Variants in CTNNA2 observed in about 807,000 individuals in gnomAD.
The protein encoded by CTNNA2 is catenin alpha 2.
A neutral mutation model predicts 101.0 loss-of-function variants in CTNNA2; 42 were observed. That is an observed-to-expected ratio of 0.42 (90% CI 0.32 to 0.54). The LOEUF (loss-of-function observed/expected upper bound fraction) is 0.54. CTNNA2 is among the 20% of genes least tolerant of loss of function. The pLI, the probability that CTNNA2 is intolerant of heterozygous loss-of-function variation, is 0.14. For missense variants in CTNNA2, 871 were observed against 1,223.1 expected (o/e 0.71, Z 4.29); for synonymous variants, 450 against 456.4 (o/e 0.99, Z 0.18).
Position 80,158,859 on chromosome 2 carries a change from C to T in CTNNA2, c.1057-234352C>T, listed in dbSNP as rs553978390. On this transcript the variant is annotated intron_variant, in intron 7 of 18. Transcript: ENST00000402739. ...CTGGAAGGCAGAGCTTGCAGTGAGC[C>T]GAGATCGTGCCACTGCACTCTAGCC... 1.1e-4 allele frequency among the ~76,000 whole-genome samples: 17 copies of T among 150,852 alleles called. No homozygotes were observed. The South Asian group carries it at 2.9e-3, about 26-fold the overall frequency.
intron 7 of CTNNA2, among the ~76,000 whole-genome samples, chr2:80,369,651 T>C (rs559431298): frequency 6.6e-6 from 1 of 152,272 alleles, no homozygotes; most frequent in Non-Finnish European, 1.5e-5. Flanking sequence ...TGATTAAGGT[T>C]AAAGACCCTG....
rs971197201 is a variant in CTNNA2, at chr2:80,574,153, T to C, written c.1742-10T>C. The C allele has an allele frequency of 6.2e-7, 1 of 1,607,334 alleles. No individual in the cohort carries two copies. ...ATTGCCTAATCCTCTGCTTTTTATT[T>C]TTAACCCAGTGATGCCACGCTTCGC... On this transcript the variant is annotated splice_polypyrimidine_tract_variant and intron_variant, in intron 12 of 18. Transcript: ENST00000402739.
chr2:80,058,363 G>A (rs1378712271), intron 7 of CTNNA2, among the ~76,000 whole-genome samples: 1 of 152,196 alleles, frequency 6.6e-6, no homozygotes, highest in Non-Finnish European at 1.5e-5. Context: ...GGGATAGAAA[G>A]TTCTGTCAAC....
chr2:80,528,984 A>G (rs1187151628), intron 9 of CTNNA2, among the ~76,000 whole-genome samples: 2 of 152,220 alleles, frequency 1.3e-5, no homozygotes, highest in East Asian at 3.9e-4. Flanking sequence ...AGAAATAAAA[A>G]GATCCTTCTC....
At chr2:79,496,146 A>G (rs1279457485) in intron 4 of CTNNA2, among the ~76,000 whole-genome samples, 2 of 152,198 alleles carry the variant, frequency 1.3e-5, no homozygotes, top group African/African-American at 4.8e-5. Context: ...AAATGATTCT[A>G]AACAAATAAT....
intron 7 of CTNNA2, among the ~76,000 whole-genome samples, chr2:80,011,457 C>T (rs554595133): frequency 1.2e-4 from 19 of 152,212 alleles, no homozygotes; most frequent in Admixed American, 3.3e-4. Context: ...CGAGTCACCA[C>T]CTCAGAAAGT....
chr2:80,544,661 C>T (rs970121385), intron 9 of CTNNA2, among the ~76,000 whole-genome samples: 27 of 152,072 alleles, frequency 1.8e-4, no homozygotes, highest in African/African-American at 6.5e-4. Context: ...CAGGGTTTTG[C>T]ATTTTGATGT....
At chr2:80,474,149 T>C in intron 9 of CTNNA2, among the ~76,000 whole-genome samples, 1 of 152,224 alleles carries the variant, frequency 6.6e-6, no homozygotes, top group East Asian at 1.9e-4. Context: ...TAAAAATCTA[T>C]GTTTTAACAA....
chr2:79,383,238 CA>C (rs1678059811), intron 4 of CTNNA2, among the ~76,000 whole-genome samples: 1 of 151,950 alleles, frequency 6.6e-6, no homozygotes, highest in African/African-American at 2.4e-5. Flanking sequence ...GATAATTCAC[CA>C]AAAATCTTAG....
intron 2 of CTNNA2, among the ~76,000 whole-genome samples, chr2:79,266,234 G>A (rs938292330): frequency 1.3e-5 from 2 of 152,082 alleles, no homozygotes; most frequent in African/African-American, 4.8e-5. Flanking sequence ...CTTCACAGCA[G>A]GACTGATATG....
At chr2:79,582,946 T>A (rs1038621436) in intron 1 of CTNNA2, among the ~76,000 whole-genome samples, 2 of 152,128 alleles carry the variant, frequency 1.3e-5, no homozygotes, top group Non-Finnish European at 2.9e-5. Flanking sequence ...TGTAGTTTTG[T>A]GTATCTCTTC....
rs567234332 is a variant in CTNNA2, at chr2:79,451,812, G to A, written c.-134-53242G>A. 1.1e-3 allele frequency among the ~76,000 whole-genome samples: 167 copies of A among 150,892 alleles called. 1 individual carries two copies. In the Middle Eastern group the frequency reaches 0.014, roughly 13 times the overall value. ...CATGTCTTAAAAATATATATTAAAT[G>A]TATACATTATATTGTATGCTAGATA... On this transcript the variant is annotated intron_variant, in intron 4 of 21. Coordinates refer to the CTNNA2 transcript ENST00000466387.
At chr2:79,613,809 G>A (rs971896452) in intron 1 of CTNNA2, among the ~76,000 whole-genome samples, 16 of 152,220 alleles carry the variant, frequency 1.1e-4, no homozygotes, top group African/African-American at 4.8e-5. Context: ...ATGAGCCACC[G>A]TATCCAGCTA....
intron 2 of CTNNA2, among the ~76,000 whole-genome samples, chr2:79,280,667 GAGAGAGAGAGAGAGAGAA>G (rs1308423453): frequency 1.7e-4 from 14 of 81,212 alleles, no homozygotes; most frequent in African/African-American, 4.7e-4. Context: ...AAGAGAAAGA[GAGAGAGAGAGAGAGAGAA>G]AGAGAGAGAG....
At chr2:79,814,244 ACTTTTT>A (rs1677285785) in intron 3 of CTNNA2, among the ~76,000 whole-genome samples, 2 of 152,158 alleles carry the variant, frequency 1.3e-5, no homozygotes, top group African/African-American at 4.8e-5. Flanking sequence ...AATATTTTTT[ACTTTTT>A]TGTAGGTTAT....
At chr2:79,231,456 C>A (rs1454903682) in intron 2 of CTNNA2, among the ~76,000 whole-genome samples, 1 of 152,200 alleles carries the variant, frequency 6.6e-6, no homozygotes. Flanking sequence ...AACTGTAAGT[C>A]CAGTTAAAAT....
At chr2:79,329,992 A>T (rs1453424088) in intron 3 of CTNNA2, among the ~76,000 whole-genome samples, 2 of 152,244 alleles carry the variant, frequency 1.3e-5, no homozygotes, top group South Asian at 2.1e-4. Flanking sequence ...GATGAAAACC[A>T]CTAGCTAGAG....
intron 7 of CTNNA2, among the ~76,000 whole-genome samples, chr2:80,142,974 A>C (rs888191822): frequency 6.6e-6 from 1 of 152,114 alleles, no homozygotes; most frequent in African/African-American, 2.4e-5. Flanking sequence ...TGGCCTAACC[A>C]GAAACAGAAA....
At chr2:80,610,706 T>G (rs1439177076) in intron 17 of CTNNA2, among the ~76,000 whole-genome samples, 1 of 151,716 alleles carries the variant, frequency 6.6e-6, no homozygotes, top group Non-Finnish European at 1.5e-5. Context: ...TTTAGTCTTA[T>G]GCTGGCATGA....
Sources: gnomAD v4.1 joint callset for allele counts (sites outside exome capture counted in the v4.1 genomes callset) on GRCh38, gnomAD v4.1.1 for gene constraint, MANE v1.5 for transcripts, NCBI Gene and HGNC (gene_info 2026-07-23, HGNC 2026-07-21) for gene names.